The following EVA1A variants were observed in gnomAD, a reference collection of about 807,000 sequenced individuals.
The protein encoded by EVA1A is protein eva-1 homolog A.
Under a neutral mutation model 9.8 loss-of-function variants are expected in EVA1A, and 7 were observed. The observed-to-expected ratio is 0.71, with a 90% CI of 0.41 to 1.34. EVA1A has a LOEUF of 1.34. EVA1A is among the 40% of genes most tolerant of loss of function. The pLI, the probability that EVA1A is intolerant of heterozygous loss-of-function variation, is 0.01. For synonymous variants in EVA1A, 90 were observed against 85.6 expected (o/e 1.05, Z -0.28); for missense variants, 206 against 205.9 (o/e 1.00, Z 0.00).
chr2:75,523,238 A>C (rs1675295324), intron 1 of EVA1A, among the ~76,000 whole-genome samples: 1 of 152,240 alleles, frequency 6.6e-6, no homozygotes, highest in South Asian at 2.1e-4. Flanking sequence ...TGGTGTCACT[A>C]TCCTACGTTA....
chr2:75,527,742 A>C (rs767254210), intron 1 of EVA1A, among the ~76,000 whole-genome samples: 3 of 152,194 alleles, frequency 2.0e-5, no homozygotes, highest in Non-Finnish European at 4.4e-5. Flanking sequence ...ATAAGGAAAA[A>C]ATAGAATTTT....
chr2:75,494,007 C>G (rs1440969068), intron 3 of EVA1A, among the ~76,000 whole-genome samples: 1 of 152,128 alleles, frequency 6.6e-6, no homozygotes, highest in Non-Finnish European at 1.5e-5. Context: ...GCTCATACAC[C>G]CCCACTGAAT....
In EVA1A at chr2:75,550,493, C is replaced by G. The variant is rs115713990; in HGVS notation, c.-192+10187G>C. Among the ~76,000 whole-genome samples, 147 of 152,276 alleles carry G rather than the reference C, an allele frequency of 9.7e-4. 1 individual carries two copies. The highest frequency in any genetic ancestry group is 3.4e-3 in the African/African-American group (141 of 41,556). On this transcript the variant is annotated intron_variant, in intron 1 of 3. Transcript: ENST00000393913. Reference sequence around the variant, plus strand: ...ACACAGCAGATGCCAATTCCCCATGCCTGAAGTGGAGCTTCAGTACATCAT... The same window carrying G: ...ACACAGCAGATGCCAATTCCCCATGGCTGAAGTGGAGCTTCAGTACATCAT...
intron 2 of EVA1A, chr2:75,518,740 A>T: frequency 1.0e-6 from 1 of 986,574 alleles, no homozygotes; most frequent in Non-Finnish European, 1.2e-6. Context: ...TTTTAACTAC[A>T]AGCCACAGCC....
intron 3 of EVA1A, among the ~76,000 whole-genome samples, chr2:75,507,895 G>C (rs1674673467): frequency 6.6e-6 from 1 of 152,194 alleles, no homozygotes; most frequent in Admixed American, 6.5e-5. Flanking sequence ...CTAAACGGAA[G>C]GACCAGCTGA....
intron 3 of EVA1A, among the ~76,000 whole-genome samples, chr2:75,505,363 T>C (rs1458943884): frequency 1.3e-5 from 2 of 152,198 alleles, no homozygotes; most frequent in Admixed American, 6.5e-5. Context: ...TCCATATGAT[T>C]GATTCACTTT....
At chr2:75,496,374 T>G (rs1346507324) in intron 3 of EVA1A, among the ~76,000 whole-genome samples, 2 of 152,158 alleles carry the variant, frequency 1.3e-5, no homozygotes, top group Admixed American at 1.3e-4. Flanking sequence ...TCAGTAGGAT[T>G]TCTATGCACC....
intron 1 of EVA1A, among the ~76,000 whole-genome samples, chr2:75,553,513 T>C (rs1249998844): frequency 6.6e-6 from 1 of 152,200 alleles, no homozygotes; most frequent in Non-Finnish European, 1.5e-5. Flanking sequence ...ACAAAGAGTA[T>C]CTTGTTCATC....
At chr2:75,511,664 G>A (rs1337664183) in intron 3 of EVA1A, among the ~76,000 whole-genome samples, 1 of 152,118 alleles carries the variant, frequency 6.6e-6, no homozygotes, top group Non-Finnish European at 1.5e-5. Context: ...TTTGGGAACT[G>A]GATGGAGGAA....
Position 75,521,540 on chromosome 2 carries a change from G to C in EVA1A, c.-69+825C>G, listed in dbSNP as rs558869415. 6.4e-4 allele frequency among the ~76,000 whole-genome samples: 98 copies of C among 152,292 alleles called. 1 individual carries two copies. In the South Asian group the frequency reaches 0.02, roughly 31 times the overall value. ...AGGCATAAGCATGGATTAAACTTGA[G>C]GACATTAGGCTAAGTGAAATAAGCC... On this transcript the variant is annotated intron_variant, in intron 2 of 3. Coordinates refer to ENST00000393913, the MANE Select transcript of EVA1A (RefSeq NM_001135032.2).
intron 3 of EVA1A, among the ~76,000 whole-genome samples, chr2:75,506,399 C>T (rs1674621846): frequency 6.6e-6 from 1 of 152,148 alleles, no homozygotes; most frequent in South Asian, 2.1e-4. Flanking sequence ...TACAAAAGTA[C>T]TACTTTCACC....
intron 3 of EVA1A, among the ~76,000 whole-genome samples, chr2:75,507,540 C>G (rs1416271509): frequency 6.6e-6 from 1 of 152,140 alleles, no homozygotes; most frequent in African/African-American, 2.4e-5. Context: ...GACTCTCCAG[C>G]CTCCTCCCTA....
intron 1 of EVA1A, among the ~76,000 whole-genome samples, chr2:75,524,847 T>C (rs1393839736): frequency 1.3e-5 from 2 of 152,182 alleles, no homozygotes; most frequent in Non-Finnish European, 2.9e-5. Context: ...ATGATTCTTC[T>C]TTGACTTTCC....
At position 75,493,314 on chromosome 2, in the gene EVA1A, G is replaced by A. The variant is rs746344001; in HGVS notation, c.381C>T (p.Arg127=). The change falls in exon 4 of 4, where the codon CGC becomes CGT. Residue 127 remains arginine (R), a synonymous_variant. Coordinates refer to ENST00000393913, the MANE Select transcript of EVA1A (RefSeq NM_001135032.2). ...TCCAGATCTCCCTGATGATGCGCTC[G>A]CGCTCCTCCAGCCGCTGGGCGCGCT... ...ELERAQRLEE[R]ERIIREIWMN... is the part of the protein sequence containing the mutation. The A allele has an allele frequency of 4.5e-5, 72 of 1,613,986 alleles. 1 individual carries two copies. The highest frequency in any genetic ancestry group is 3.5e-4 in the Admixed American group (21 of 60,018).
At chr2:75,561,668 G>C (rs1676927144), upstream of EVA1A, among the ~76,000 whole-genome samples, 1 of 152,052 alleles carries the variant, frequency 6.6e-6, no homozygotes, top group African/African-American at 2.4e-5. Flanking sequence ...TAAGAGATGG[G>C]TCACGGAGTG....
chr2:75,504,385 T>C (rs777801115), intron 3 of EVA1A, among the ~76,000 whole-genome samples: 1 of 152,180 alleles, frequency 6.6e-6, no homozygotes, highest in African/African-American at 2.4e-5. Flanking sequence ...CACTCCAGCC[T>C]GGGCAACAGG....
Position 75,492,579 on chromosome 2 carries a change from CATCCTTTG to C in EVA1A, c.*649_*656del, listed in dbSNP as rs1558667558. On this transcript the variant is annotated 3_prime_UTR_variant, in exon 4 of 4. Transcript: ENST00000393913. Reference sequence around the variant, plus strand: ...TAAACTATTTAAAATAAAAACCCTTCATCCTTTGAGGTTATTGACATTTTCTAGTTCAC... The same window carrying C: ...TAAACTATTTAAAATAAAAACCCTTCAGGTTATTGACATTTTCTAGTTCAC... 1 of 152,566 alleles carries C rather than the reference CATCCTTTG, an allele frequency of 6.6e-6. No homozygotes were observed. The highest frequency in any genetic ancestry group is 1.9e-4 in the East Asian group (1 of 5,192). 9.5% of individuals were successfully genotyped at this position (152,566 alleles called of 1,614,324 possible). A position where few individuals can be genotyped will look rare whatever the true frequency, so the allele number is the denominator to read the frequency against.
At chr2:75,511,239 T>C (rs1674800842) in intron 3 of EVA1A, among the ~76,000 whole-genome samples, 1 of 152,212 alleles carries the variant, frequency 6.6e-6, no homozygotes, top group South Asian at 2.1e-4. Context: ...AATATTTTTC[T>C]CAGTTGATAA....
At position 75,492,999 on chromosome 2, in the gene EVA1A, G is replaced by T. The variant is rs537209930; in HGVS notation, c.*237C>A. On this transcript the variant is annotated 3_prime_UTR_variant, in exon 4 of 4. Coordinates refer to ENST00000393913, the MANE Select transcript of EVA1A (RefSeq NM_001135032.2). ...CGATCTCCATCCACAGTGTTGGAGA[G>T]GATTTTTCAGCACCATTCCGAGACC... 34 of 560,570 alleles carry T rather than the reference G, an allele frequency of 6.1e-5. No individual in the cohort carries two copies. Among genetic ancestry groups the T allele is most frequent in the Non-Finnish European group, 9.6e-5 (31 of 322,052 alleles). 34.7% of individuals were successfully genotyped at this position (560,570 alleles called of 1,614,324 possible).
Sources: gnomAD v4.1 joint callset for allele counts (sites outside exome capture counted in the v4.1 genomes callset) on GRCh38, gnomAD v4.1.1 for gene constraint, MANE v1.5 for transcripts, NCBI Gene and HGNC (gene_info 2026-07-23, HGNC 2026-07-21) for gene names.